Variants in PDE8A observed in about 807,000 individuals in gnomAD.
PDE8A encodes phosphodiesterase 8A.
A neutral mutation model predicts 105.0 loss-of-function variants in PDE8A; 59 were observed. That is an observed-to-expected ratio of 0.56 (90% CI 0.46 to 0.70). The LOEUF (loss-of-function observed/expected upper bound fraction) is 0.70, where lower values mean the gene tolerates loss of function less well. Ranked by LOEUF, PDE8A falls within the 30% of genes least tolerant of loss-of-function variation. The pLI is 0.00. For missense variants in PDE8A, 1,014 were observed against 1,045.9 expected (o/e 0.97, Z 0.42); for synonymous variants, 355 against 371.9 (o/e 0.95, Z 0.52).
At chr15:85,118,150 C>T (rs2082125372) in intron 17 of PDE8A, among the ~76,000 whole-genome samples, 1 of 152,112 alleles carries the variant, frequency 6.6e-6, no homozygotes, top group African/African-American at 2.4e-5. Context: ...ACTAGTAGAG[C>T]CAAGTAACTG....
At chr15:84,986,380 T>C (rs529984200) in intron 1 of PDE8A, among the ~76,000 whole-genome samples, 1 of 152,254 alleles carries the variant, frequency 6.6e-6, no homozygotes, top group South Asian at 2.1e-4. Flanking sequence ...CTGTTTCCCT[T>C]TGCTTCTGTC....
At chr15:85,052,544 G>A (rs1329231335) in intron 1 of PDE8A, among the ~76,000 whole-genome samples, 2 of 152,178 alleles carry the variant, frequency 1.3e-5, no homozygotes, top group South Asian at 4.1e-4. Context: ...ATCTCATTGT[G>A]GTTTTGATTT....
chr15:84,990,268 T>C (rs564625786), intron 1 of PDE8A, among the ~76,000 whole-genome samples: 1 of 152,352 alleles, frequency 6.6e-6, no homozygotes, highest in South Asian at 2.1e-4. Flanking sequence ...GTGTAAATTT[T>C]ATGTGTACCA....
intron 1 of PDE8A, among the ~76,000 whole-genome samples, chr15:84,988,255 C>G (rs1015496819): frequency 6.6e-6 from 1 of 152,184 alleles, no homozygotes; most frequent in African/African-American, 2.4e-5. Flanking sequence ...TCTCTGTTAA[C>G]TAGCTATGTT....
intron 5 of PDE8A, among the ~76,000 whole-genome samples, chr15:85,080,651 G>T (rs536016707): frequency 1.3e-5 from 2 of 152,170 alleles, no homozygotes; most frequent in African/African-American, 4.8e-5. Context: ...AAGTCTATCA[G>T]CATAGTTCTG....
chr15:85,067,313 A>T, intron 3 of PDE8A, 109 bp downstream of exon 3: 1 of 713,974 alleles, frequency 1.4e-6, no homozygotes, highest in Non-Finnish European at 2.3e-6. Flanking sequence ...CTTTCCATGC[A>T]TGTGAAATAA....
At chr15:85,014,591 T>G (rs75870308) in intron 1 of PDE8A, among the ~76,000 whole-genome samples, 4 of 152,184 alleles carry the variant, frequency 2.6e-5, no homozygotes, top group Non-Finnish European at 5.9e-5. Flanking sequence ...AGTATTTTAA[T>G]GTATTTGATA....
chr15:85,085,867 C>T (rs2141513580), intron 6 of PDE8A, among the ~76,000 whole-genome samples: 2 of 151,850 alleles, frequency 1.3e-5, no homozygotes, highest in Middle Eastern at 3.4e-3. Flanking sequence ...AAAAAATTAG[C>T]TGGGCGTGGT....
At chr15:85,116,181 T>C (rs2082094579) in intron 16 of PDE8A, 62 bp downstream of exon 16, 1 of 1,548,644 alleles carries the variant, frequency 6.5e-7, no homozygotes, top group Admixed American at 1.7e-5. Context: ...GTGAGGAGGC[T>C]ACCTGAGGAG....
chr15:85,074,406 G>A (rs1363639032), intron 3 of PDE8A, among the ~76,000 whole-genome samples: 1 of 152,214 alleles, frequency 6.6e-6, no homozygotes, highest in African/African-American at 2.4e-5. Context: ...GCTAAGACTG[G>A]GGCGGGGGCA....
At chr15:85,131,746 A>G (rs1180714040) in intron 20 of PDE8A, among the ~76,000 whole-genome samples, 1 of 152,158 alleles carries the variant, frequency 6.6e-6, no homozygotes. Flanking sequence ...ATTTCAACCT[A>G]AAGGATTTCC....
chr15:85,106,919 T>C (rs779810374), intron 11 of PDE8A, among the ~76,000 whole-genome samples: 13 of 152,196 alleles, frequency 8.5e-5, no homozygotes, highest in African/African-American at 1.2e-4. Context: ...GTGAAGCAGA[T>C]GTGTATTTAT....
At chr15:85,100,435 T>C (rs2081842815) in intron 11 of PDE8A, among the ~76,000 whole-genome samples, 1 of 152,204 alleles carries the variant, frequency 6.6e-6, no homozygotes, top group Non-Finnish European at 1.5e-5. Flanking sequence ...GGGAAAGAAA[T>C]GGTCAACTGA....
At chr15:85,071,338 G>A (rs1392197272) in intron 3 of PDE8A, among the ~76,000 whole-genome samples, 1 of 152,206 alleles carries the variant, frequency 6.6e-6, no homozygotes, top group Non-Finnish European at 1.5e-5. Flanking sequence ...TTATGAGCTG[G>A]GCAGAGGCCT....
intron 1 of PDE8A, among the ~76,000 whole-genome samples, chr15:84,993,177 C>T (rs556399279): frequency 2.3e-4 from 35 of 152,288 alleles, no homozygotes; most frequent in South Asian, 8.3e-4. Flanking sequence ...GGCGTGGTGG[C>T]TCATGCCTGT....
At position 84,981,956 on chromosome 15, in the gene PDE8A, G is replaced by T; in HGVS notation, c.-207G>T. On this transcript the variant is annotated 5_prime_UTR_variant, in exon 1 of 22. Transcript: ENST00000394553. ...GCCTCGGCACGCCACCCGCCTAAGC[G>T]CCCCCTTCCCACCGCAGCCGCCGCC... 1 of 278,686 alleles carries T rather than the reference G, an allele frequency of 3.6e-6. No homozygotes were observed. Among genetic ancestry groups the T allele is most frequent in the East Asian group, 6.5e-5 (1 of 15,310 alleles). The allele number at this position is 278,686 out of a possible 1,614,324, so 17.3% of individuals were successfully genotyped here.
intron 1 of PDE8A, among the ~76,000 whole-genome samples, chr15:85,035,370 A>T (rs2080688220): frequency 1.3e-5 from 2 of 151,732 alleles, no homozygotes; most frequent in Non-Finnish European, 2.9e-5. Flanking sequence ...CACCACGCCC[A>T]GCTAATTTTT....
chr15:85,006,869 A>G (rs764066119), intron 1 of PDE8A, among the ~76,000 whole-genome samples: 1 of 152,122 alleles, frequency 6.6e-6, no homozygotes. Context: ...TGTACTTGAG[A>G]AGAGGGAATA....
intron 8 of PDE8A, among the ~76,000 whole-genome samples, chr15:85,093,305 G>A (rs2081680486): frequency 6.6e-6 from 1 of 152,178 alleles, no homozygotes; most frequent in Non-Finnish European, 1.5e-5. Context: ...GGAACCTGCT[G>A]GTCTATGGGC....
Sources: allele counts gnomAD v4.1 joint callset (sites outside exome capture counted in the v4.1 genomes callset), GRCh38; gene constraint gnomAD v4.1.1; transcripts MANE v1.5; gene names NCBI Gene and HGNC (gene_info 2026-07-23, HGNC 2026-07-21).